Variants in APBA3 observed in about 807,000 individuals in gnomAD.
The protein encoded by APBA3 is amyloid-beta A4 precursor protein-binding family A member 3.
Under a neutral mutation model 55.9 loss-of-function variants are expected in APBA3, and 45 were observed. The observed-to-expected ratio is 0.80, with a 90% CI of 0.63 to 1.03. The LOEUF is 1.03. Among genes scored for constraint, APBA3 ranks in the 50% least tolerant of loss-of-function variants. The probability of loss-of-function intolerance (pLI) is 0.00; values close to 1 mark genes in which losing one functional copy is unlikely to be tolerated. For synonymous variants in APBA3, 370 were observed against 353.3 expected (o/e 1.05, Z -0.53); for missense variants, 865 against 820.3 (o/e 1.05, Z -0.67).
At chr19:3,755,564 G>GA (rs527312238) in intron 3 of APBA3, 5 of 135,344 alleles carry the variant, frequency 3.7e-5, no homozygotes, top group African/African-American at 6.0e-5. Context: ...GAGGCCGGGG[G>GA]GGGGGGGTGG....
chr19:3,757,661 G>A (rs561129610), intron 3 of APBA3, among the ~76,000 whole-genome samples: 39 of 152,248 alleles, frequency 2.6e-4, no homozygotes, highest in African/African-American at 8.7e-4. Context: ...GAATCCGGGC[G>A]GCAGAGGTTG....
chr19:3,751,161 C>T, intron 10 of APBA3, 28 bp downstream of exon 10: 1 of 1,554,196 alleles, frequency 6.4e-7, no homozygotes, highest in South Asian at 1.2e-5. Flanking sequence ...GTGGGGGCGC[C>T]CCTGGCCACC....
chr19:3,753,741 T>A, intron 6 of APBA3, 24 bp downstream of exon 6: 1 of 1,481,130 alleles, frequency 6.8e-7, no homozygotes, highest in Non-Finnish European at 9.0e-7. Flanking sequence ...CTCAGGAGGG[T>A]GGCCCCGCGC....
chr19:3,753,689 G>T, intron 6 of APBA3, 76 bp downstream of exon 6: 1 of 1,343,302 alleles, frequency 7.4e-7, no homozygotes, highest in Non-Finnish European at 9.8e-7. Context: ...GAGGTTAAAT[G>T]CACGGCCCAC....
rs753993025 is a variant in APBA3, at chr19:3,752,831, T to A, written c.1171A>T (p.Asn391Tyr). The A allele has an allele frequency of 9.9e-6, 16 of 1,613,116 alleles. No individual in the cohort carries two copies. In the South Asian group the frequency reaches 1.6e-4, roughly 17 times the overall value. ...AGCACCTCACTCACCTCCCGGCAGT[T>A]GTCACTGTTGGAGAAGTGGTCCAGG... is the stretch of plus-strand genomic sequence containing the variant. ...GDLDHFSNSD[N>Y]CREVHLEKRR... The change falls in exon 7 of 11, where the codon AAC (asparagine) becomes TAC (tyrosine). Residue 391 changes from asparagine to tyrosine, a missense_variant. Asn to Tyr is a moderately radical substitution (Grantham distance 143). Transcript: ENST00000316757.
rs750309502 is a variant in APBA3 at position 3,754,029 on chromosome 19, G to A, written c.839C>T (p.Ala280Val). 9 of 1,609,646 alleles carry A rather than the reference G, an allele frequency of 5.6e-6. No homozygotes were observed. The highest frequency in any genetic ancestry group is 3.4e-5 in the Admixed American group (2 of 59,542). ...GTCCCTGCCCCGTACCTGGGAGTCC[G>A]CTGTCAAGACCTTGATCCTCTTGGT... ...VSTKRIKVLT[A>V]DSQEAMMDHA... The change falls in exon 5 of 11, where the codon GCG becomes GTG. Residue 280 changes from alanine to valine, a missense_variant. Physicochemically the swap from Ala to Val is moderately conservative, Grantham distance 64. Coordinates refer to ENST00000316757, the MANE Select transcript of APBA3 (RefSeq NM_004886.4).
chr19:3,757,466 G>A (rs1227550996), intron 3 of APBA3, among the ~76,000 whole-genome samples: 5 of 151,340 alleles, frequency 3.3e-5, no homozygotes, highest in Non-Finnish European at 5.9e-5. Context: ...GGCCGCGGTG[G>A]CTCACACCTG....
At chr19:3,757,319 C>A (rs1234201217) in intron 3 of APBA3, among the ~76,000 whole-genome samples, 1 of 152,054 alleles carries the variant, frequency 6.6e-6, no homozygotes, top group African/African-American at 2.4e-5. Flanking sequence ...GTGGCCCAGG[C>A]TGGTCTCGAA....
Position 3,759,603 on chromosome 19 carries a change from G to C in APBA3, c.577-3C>G. Reference sequence around the variant, plus strand: ...TAGGAAGCCAGGGTCTCGGGGCTCTGGAAGAAGATAGAGGAGGGGCAGGAC... The same window carrying C: ...TAGGAAGCCAGGGTCTCGGGGCTCTCGAAGAAGATAGAGGAGGGGCAGGAC... On this transcript the variant is annotated splice_region_variant and splice_polypyrimidine_tract_variant and intron_variant, in intron 2 of 10. Transcript: ENST00000316757. 1 of 1,600,914 alleles carries C rather than the reference G, an allele frequency of 6.2e-7. No individual in the cohort carries two copies. Among genetic ancestry groups the C allele is most frequent in the African/African-American group, 1.3e-5 (1 of 74,246 alleles).
At position 3,751,486 on chromosome 19, in the gene APBA3, A is replaced by G. The variant is rs746596194; in HGVS notation, c.1463T>C (p.Ile488Thr). ...CTGCTCGCGGGCGTGGGGCCGGTGGATGATGGCGGTGGTGACGGGAGGGCA... is the reference window on the plus strand; with the variant it reads ...CTGCTCGCGGGCGTGGGGCCGGTGGGTGATGGCGGTGGTGACGGGAGGGCA... The part of the protein sequence containing the change: ...VHCPPVTTAI[I>T]HRPHAREQLG... The change falls in exon 9 of 11, where the codon ATC (isoleucine) becomes ACC (threonine). Residue 488 changes from isoleucine (I) to threonine (T), a missense_variant. By Grantham distance (89) the Ile-to-Thr change is moderately conservative (BLOSUM62 -1). Transcript: ENST00000316757. The G allele has an allele frequency of 4.8e-5, 75 of 1,575,276 alleles. No homozygotes were observed. Among genetic ancestry groups the G allele is most frequent in the Non-Finnish European group, 6.3e-5 (73 of 1,164,480 alleles).
In APBA3 at chr19:3,750,860, G is replaced by A; in HGVS notation, c.*166C>T. ...GAAGGACAAGGTCCTCGGTCCCGTAGACCCTGATCCGAGACTTTGCCAAAT... is the reference window on the plus strand; with the variant it reads ...GAAGGACAAGGTCCTCGGTCCCGTAAACCCTGATCCGAGACTTTGCCAAAT... On this transcript the variant is annotated 3_prime_UTR_variant, in exon 11 of 11. Coordinates refer to ENST00000316757, the MANE Select transcript of APBA3 (RefSeq NM_004886.4). 1 of 1,006,034 alleles carries A rather than the reference G, an allele frequency of 9.9e-7. No individual in the cohort carries two copies. The allele number at this position is 1,006,034 out of a possible 1,614,324, so 62.3% of individuals were successfully genotyped here.
intron 8 of APBA3, 84 bp downstream of exon 8, chr19:3,752,424 G>C (rs2037018460): frequency 7.8e-7 from 1 of 1,285,446 alleles, no homozygotes; most frequent in African/African-American, 1.5e-5. Flanking sequence ...CTGGGCTGGA[G>C]AGACCTGGCC....
intron 6 of APBA3, 29 bp from the exon 7 acceptor site, chr19:3,753,019 G>A (rs1180981696): frequency 1.9e-6 from 3 of 1,604,076 alleles, no homozygotes; most frequent in Non-Finnish European, 2.5e-6. Flanking sequence ...CGTCCCTGGG[G>A]TGTCCCACCC....
In APBA3 at chr19:3,754,350, A is replaced by G; in HGVS notation, c.617-10T>C. 1.3e-6 allele frequency: 2 copies of G among 1,556,020 alleles called. No homozygotes were observed. Among genetic ancestry groups the G allele is most frequent in the Non-Finnish European group, 1.7e-6 (2 of 1,153,502 alleles). ...TCACAGGGACCAGGCACTGAGGGCG[A>G]CAGCGAAGAGGGTCGGCCCCCAGGG... is the stretch of plus-strand genomic sequence containing the variant. On this transcript the variant is annotated splice_polypyrimidine_tract_variant and intron_variant, in intron 3 of 10. Transcript: ENST00000316757.
intron 3 of APBA3, among the ~76,000 whole-genome samples, chr19:3,757,894 CATG>C (rs1359887093): frequency 6.6e-6 from 1 of 152,230 alleles, no homozygotes; most frequent in Non-Finnish European, 1.5e-5. Context: ...AATAACCAAG[CATG>C]ATGTGTACCA....
chr19:3,752,695 T>C lies in APBA3; in HGVS notation c.1208A>G (p.Glu403Gly). Residue 403 changes from glutamate to glycine, a missense_variant, in exon 8 of 11, where the codon GAG becomes GGG. By Grantham distance (98) the Glu-to-Gly change is moderately conservative. Coordinates refer to ENST00000316757, the MANE Select transcript of APBA3 (RefSeq NM_004886.4). Reference sequence around the variant, plus strand: ...CTCCACCAGGGCCACGCCCAGGCCCTCCCCTCGCCGCTTCTCGAGGTGCAC... The same window carrying C: ...CTCCACCAGGGCCACGCCCAGGCCCCCCCCTCGCCGCTTCTCGAGGTGCAC... ...REVHLEKRRG[E>G]GLGVALVESG... The C allele has an allele frequency of 6.3e-7, 1 of 1,595,084 alleles. No homozygotes were observed. Among genetic ancestry groups the C allele is most frequent in the Non-Finnish European group, 8.5e-7 (1 of 1,175,328 alleles).
At chr19:3,753,157 T>C (rs1367740196) in intron 6 of APBA3, 167 bp from the exon 7 acceptor site, 2 of 728,042 alleles carry the variant, frequency 2.7e-6, no homozygotes, top group Admixed American at 5.9e-5. Flanking sequence ...GACAGCCGCA[T>C]CTTGGGGAAT....
chr19:3,760,167 G>T lies in APBA3; in HGVS notation c.98C>A (p.Pro33His), dbSNP rs577237733. 20 of 1,613,312 alleles carry T rather than the reference G, an allele frequency of 1.2e-5. No homozygotes were observed. In the South Asian group the frequency reaches 2.1e-4, roughly 17 times the overall value. ...TGGCATAGGGTCCCACTGGCTGTCA[G>T]GGGTGAGGTCCTCCGAAGGCACAAG... ...DILVPSEDLT[P>H]DSQWDPMPGG... The change falls in exon 2 of 11, where the codon CCT (proline) becomes CAT (histidine). Residue 33 changes from proline (P) to histidine (H), a missense_variant. Coordinates refer to ENST00000316757, the MANE Select transcript of APBA3 (RefSeq NM_004886.4).
chr19:3,758,207 T>C lies in APBA3; in HGVS notation c.616+1354A>G, dbSNP rs1363933673. ...CCTTGGCCTCCCAAAGTGCTGGGAT[T>C]ATAGGCGTGAGCCACCGCGCCCAGC... On this transcript the variant is annotated intron_variant, in intron 3 of 10. Transcript: ENST00000316757. Among the ~76,000 whole-genome samples, 4 of 152,212 alleles carry C rather than the reference T, an allele frequency of 2.6e-5. No homozygotes were observed. In the East Asian group the frequency reaches 5.8e-4, roughly 22 times the overall value.
Sources: allele counts gnomAD v4.1 joint callset (sites outside exome capture counted in the v4.1 genomes callset), GRCh38; gene constraint gnomAD v4.1.1; transcripts MANE v1.5; gene names NCBI Gene and HGNC (gene_info 2026-07-23, HGNC 2026-07-21).